The following SARNP variants were observed in gnomAD, a reference collection of about 807,000 sequenced individuals.
SARNP encodes the protein SAP domain containing ribonucleoprotein.
SARNP carries 5 observed loss-of-function variants against 38.1 expected under a neutral mutation model. That is an observed-to-expected ratio of 0.13 (90% CI 0.07 to 0.28). The LOEUF (loss-of-function observed/expected upper bound fraction) is 0.28, where lower values mean the gene tolerates loss of function less well. Among genes scored for constraint, SARNP ranks in the 10% least tolerant of loss-of-function variants. The pLI is 1.00. For synonymous variants in SARNP, 84 were observed against 80.6 expected, an observed-to-expected ratio of 1.04 and a Z score of -0.23; for missense variants, 180 against 243.9, an observed-to-expected ratio of 0.74 and a Z score of 1.75.
intron 9 of SARNP, chr12:55,760,898 CG>C: frequency 2.7e-6 from 1 of 364,584 alleles, no homozygotes; most frequent in East Asian, 4.4e-5. Context: ...AGTAAGAGGC[CG>C]GGCACGGTGA....
Position 55,794,251 on chromosome 12 carries a change from A to G in SARNP, c.406+108T>C, listed in dbSNP as rs1264774895. The G allele has an allele frequency of 4.1e-6, 4 of 973,668 alleles. No homozygotes were observed. In the Admixed American group the frequency reaches 8.3e-5, roughly 20 times the overall value. The allele number at this position is 973,668 out of a possible 1,614,324, so 60.3% of individuals were successfully genotyped here. The stretch of plus-strand genomic sequence containing the variant: ...AGATGAATGTTACAATCTCTTAAAG[A>G]GTTTCTACAGCTAGCAAATTTACCT... On this transcript the variant is annotated intron_variant, in intron 7 of 10. Coordinates refer to ENST00000336133, the MANE Select transcript of SARNP (RefSeq NM_033082.4).
chr12:55,794,697 A>C lies in SARNP; in HGVS notation c.377+110T>G. On this transcript the variant is annotated intron_variant, in intron 6 of 10. Coordinates refer to ENST00000336133, the MANE Select transcript of SARNP (RefSeq NM_033082.4). ...GGTCAAAAAAGTGTTCATATCCTTC[A>C]GCAAGCCTCTATTCTACTTAAAATC... The C allele has an allele frequency of 1.1e-5, 8 of 708,612 alleles. No homozygotes were observed. The South Asian group carries it at 1.4e-4, about 12-fold the overall frequency. The allele number at this position is 708,612 out of a possible 1,614,324, so 43.9% of individuals were successfully genotyped here.
At chr12:55,788,938 G>T (rs1879584477) in intron 9 of SARNP, 137 bp downstream of exon 9, 3 of 659,890 alleles carry the variant, frequency 4.5e-6, no homozygotes, top group Admixed American at 6.4e-5. Context: ...AGTGAGAGGA[G>T]GTGACAGTCA....
At chr12:55,753,430 A>C (rs1020843996), downstream of SARNP, 2 of 152,226 alleles carry the variant, frequency 1.3e-5, no homozygotes, top group African/African-American at 4.8e-5. Flanking sequence ...CAGGAATATG[A>C]GTTGGGAATG....
intron 9 of SARNP, among the ~76,000 whole-genome samples, chr12:55,787,715 C>A (rs534200778): frequency 6.6e-6 from 1 of 151,498 alleles, no homozygotes; most frequent in Non-Finnish European, 1.5e-5. Context: ...GGATTACAGG[C>A]ACGGTGGTGC....
intron 9 of SARNP, among the ~76,000 whole-genome samples, chr12:55,766,517 G>A (rs971153261): frequency 6.8e-6 from 1 of 146,984 alleles, no homozygotes; most frequent in South Asian, 2.1e-4. Flanking sequence ...CTTTCCTTAA[G>A]ATCTCATTTA....
intron 9 of SARNP, among the ~76,000 whole-genome samples, chr12:55,781,728 G>C (rs1879347901): frequency 6.6e-6 from 1 of 151,860 alleles, no homozygotes; most frequent in Non-Finnish European, 1.5e-5. Context: ...ATTCTTTTTT[G>C]TTGTTGTTCA....
rs1159306620 is a variant in SARNP, at chr12:55,764,279, C to CT, written c.502-3640dup. ...GTGGCTCACATCTGTAATCCCACCA[C>CT]TTTGAGAAAATCCCAGGAAGGATCT... On this transcript the variant is annotated intron_variant, in intron 9 of 10. Transcript: ENST00000336133. Among the ~76,000 whole-genome samples, 37 of 152,166 alleles carry CT rather than the reference C, an allele frequency of 2.4e-4. 2 individuals are homozygous for CT.
chr12:55,812,046 A>G (rs531761751), intron 1 of SARNP, among the ~76,000 whole-genome samples: 7 of 152,280 alleles, frequency 4.6e-5, no homozygotes, highest in African/African-American at 1.7e-4. Context: ...AACATCATCC[A>G]TTGGTTTCGT....
chr12:55,776,499 T>C (rs748038282), intron 9 of SARNP, among the ~76,000 whole-genome samples: 1 of 152,210 alleles, frequency 6.6e-6, no homozygotes, highest in Non-Finnish European at 1.5e-5. Flanking sequence ...CTTTAAATCA[T>C]CTCTAGAGTA....
At chr12:55,805,826 GAA>G (rs1880121723) in intron 1 of SARNP, among the ~76,000 whole-genome samples, 1 of 152,086 alleles carries the variant, frequency 6.6e-6, no homozygotes, top group East Asian at 1.9e-4. Context: ...TCCAGCAGGT[GAA>G]AGAGTGAGAC....
chr12:55,787,974 C>G (rs561780914), intron 9 of SARNP, among the ~76,000 whole-genome samples: 1 of 152,182 alleles, frequency 6.6e-6, no homozygotes, highest in African/African-American at 2.4e-5. Flanking sequence ...TGGTCTCAAT[C>G]TCCTGACCTC....
intron 9 of SARNP, among the ~76,000 whole-genome samples, chr12:55,768,906 T>C (rs1205943556): frequency 6.6e-6 from 1 of 152,030 alleles, no homozygotes; most frequent in Admixed American, 6.6e-5. Flanking sequence ...GTATTTTTAG[T>C]AGAGATGGGG....
At chr12:55,813,165 C>G (rs990786381) in intron 1 of SARNP, among the ~76,000 whole-genome samples, 12 of 152,264 alleles carry the variant, frequency 7.9e-5, no homozygotes, top group Admixed American at 6.5e-5. Context: ...AGGCTGGTCT[C>G]AAACTCCTGA....
chr12:55,760,791 T>G, intron 9 of SARNP, 151 bp from the exon 10 acceptor site: 2 of 618,940 alleles, frequency 3.2e-6, no homozygotes, highest in African/African-American at 3.7e-5. Flanking sequence ...CATAAGAAAC[T>G]GAATAAGCTA....
At chr12:55,801,081 A>G (rs1292984969) in intron 2 of SARNP, among the ~76,000 whole-genome samples, 181 bp from the exon 3 acceptor site, 1 of 152,242 alleles carries the variant, frequency 6.6e-6, no homozygotes, top group African/African-American at 2.4e-5. Context: ...CCTAACATTA[A>G]TTACAAATGT....
chr12:55,785,777 G>C (rs1592568598), intron 9 of SARNP, among the ~76,000 whole-genome samples: 1 of 134,364 alleles, frequency 7.4e-6, no homozygotes, highest in Non-Finnish European at 1.6e-5. Context: ...CCCTGTCTCA[G>C]ACAAAAAAAA....
chr12:55,798,974 T>C (rs538423916), intron 4 of SARNP, among the ~76,000 whole-genome samples: 3 of 152,240 alleles, frequency 2.0e-5, no homozygotes, highest in African/African-American at 4.8e-5. Flanking sequence ...GAACAATGCC[T>C]AGCATATAAC....
intron 8 of SARNP, among the ~76,000 whole-genome samples, chr12:55,790,111 C>T (rs1403603786): frequency 1.3e-5 from 2 of 151,638 alleles, no homozygotes; most frequent in Non-Finnish European, 2.9e-5. Context: ...TCACAATGGT[C>T]CAGAAAGCCA....
Sources: gnomAD v4.1 joint callset for allele counts (sites outside exome capture counted in the v4.1 genomes callset) on GRCh38, gnomAD v4.1.1 for gene constraint, MANE v1.5 for transcripts, NCBI Gene and HGNC (gene_info 2026-07-23, HGNC 2026-07-21) for gene names.